The following C10orf71 variants were observed in gnomAD, a reference collection of about 807,000 sequenced individuals.
The protein encoded by C10orf71 is chromosome 10 open reading frame 71, also known as cardiac-enriched FHL2-interacting protein.
For missense variants in C10orf71, 1,869 were observed against 1,804.5 expected (o/e 1.04, Z -0.65); for synonymous variants, 758 against 726.3 (o/e 1.04, Z -0.70).
chr10:49,306,734 C>G (rs555466729), intron 1 of C10orf71, among the ~76,000 whole-genome samples: 2 of 152,318 alleles, frequency 1.3e-5, no homozygotes, highest in Non-Finnish European at 2.9e-5. Context: ...GAGAAAGGCT[C>G]TCACATGCCA....
chr10:49,301,921 A>C (rs1317086881), intron 1 of C10orf71, among the ~76,000 whole-genome samples: 1 of 152,086 alleles, frequency 6.6e-6, no homozygotes, highest in Non-Finnish European at 1.5e-5. Context: ...GGCCAATCCC[A>C]GGGGCTCCTT....
At chr10:49,307,428 A>C (rs115717282) in intron 1 of C10orf71, among the ~76,000 whole-genome samples, 1,956 of 152,332 alleles carry the variant, frequency 0.013, 45 homozygotes, top group African/African-American at 0.045. Flanking sequence ...AGTCCAGCCC[A>C]TCTGGCCACC....
At chr10:49,310,235 T>A (rs1483677885) in intron 1 of C10orf71, among the ~76,000 whole-genome samples, 1 of 152,226 alleles carries the variant, frequency 6.6e-6, no homozygotes, top group East Asian at 1.9e-4. Context: ...AAAGTTTCAC[T>A]TCTGTGGATG....
rs758338800 is a variant in C10orf71, at chr10:49,324,319, A to G, written c.1774A>G (p.Ser592Gly). Residue 592 changes from serine to glycine, a missense_variant, in exon 3 of 3, where the codon AGC (serine) becomes GGC (glycine). Ser to Gly is a moderately conservative substitution (Grantham distance 56). Transcript: ENST00000374144. ...EPSADSYLTL[S>G]TAPTIAKAPF... is the part of the protein sequence containing the mutation. Reference sequence around the variant, plus strand: ...CTCTGCAGACAGCTATCTAACTCTTAGCACAGCTCCGACTATCGCCAAAGC... The same window carrying G: ...CTCTGCAGACAGCTATCTAACTCTTGGCACAGCTCCGACTATCGCCAAAGC... 2 of 1,613,890 alleles carry G rather than the reference A, an allele frequency of 1.2e-6. No individual in the cohort carries two copies. Among genetic ancestry groups the G allele is most frequent in the Admixed American group, 1.7e-5 (1 of 60,010 alleles).
rs1476116937 is a variant in C10orf71, at chr10:49,325,708, A to T, written c.3163A>T (p.Asn1055Tyr). The change falls in exon 3 of 3, where the codon AAT becomes TAT. Residue 1055 changes from asparagine to tyrosine, a missense_variant. Transcript: ENST00000374144. The stretch of plus-strand genomic sequence containing the variant: ...AAGACTGGTCCCCAGTGAGAGGGCG[A>T]ATTCCCCCAACCCCGGCTCCCCCGG... ...GRRLVPSERA[N>Y]SPNPGSPGES... is the part of the protein sequence containing the mutation. 6.4e-7 allele frequency: 1 copy of T among 1,551,658 alleles called. No individual in the cohort carries two copies. The highest frequency in any genetic ancestry group is 2.0e-5 in the Admixed American group (1 of 50,974).
In C10orf71 at chr10:49,327,054, T is replaced by C. The variant is rs1426875464; in HGVS notation, c.*201T>C. 16 of 1,533,174 alleles carry C rather than the reference T, an allele frequency of 1.0e-5. No homozygotes were observed. Among genetic ancestry groups the C allele is most frequent in the Non-Finnish European group, 1.4e-5 (16 of 1,133,714 alleles). 95.0% of individuals were successfully genotyped at this position (1,533,174 alleles called of 1,614,324 possible). On this transcript the variant is annotated 3_prime_UTR_variant, in exon 3 of 3. Coordinates refer to ENST00000374144, the MANE Select transcript of C10orf71 (RefSeq NM_001135196.2). ...GACCTCACCCAAAGGGCTCCCTGGC[T>C]CTCCTCTGATGGAGGGGCACTGCTT...
At chr10:49,306,599 A>T (rs539198072) in intron 1 of C10orf71, among the ~76,000 whole-genome samples, 5 of 152,362 alleles carry the variant, frequency 3.3e-5, no homozygotes, top group African/African-American at 1.2e-4. Context: ...ATTCTCTAAC[A>T]GCAGTTCTCA....
At chr10:49,304,624 GC>G (rs1848782752) in intron 1 of C10orf71, among the ~76,000 whole-genome samples, 1 of 152,168 alleles carries the variant, frequency 6.6e-6, no homozygotes, top group African/African-American at 2.4e-5. Flanking sequence ...TAGAAACCCT[GC>G]CCTCCCGTAG....
chr10:49,323,582 C>T lies in C10orf71; in HGVS notation c.1037C>T (p.Ser346Phe). ...CTTGCAGCAGGGGCTCTGTCCACAT[C>T]TATACCCTGGGGGTGCAGGGATCCA... is the stretch of plus-strand genomic sequence containing the variant. ...NRLAAGALST[S>F]IPWGCRDPGA... Residue 346 changes from serine to phenylalanine, a missense_variant, in exon 3 of 3, where the codon TCT (serine) becomes TTT (phenylalanine). By Grantham distance (155) the Ser-to-Phe change is radical. Coordinates refer to ENST00000374144, the MANE Select transcript of C10orf71 (RefSeq NM_001135196.2). 1 of 1,604,796 alleles carries T rather than the reference C, an allele frequency of 6.2e-7. No homozygotes were observed. Among genetic ancestry groups the T allele is most frequent in the Non-Finnish European group, 8.5e-7 (1 of 1,176,022 alleles).
chr10:49,323,300 C>T lies in C10orf71; in HGVS notation c.755C>T (p.Ser252Phe). The change falls in exon 3 of 3, where the codon TCT (serine) becomes TTT (phenylalanine). Residue 252 changes from serine (S) to phenylalanine (F), a missense_variant. Physicochemically the swap from Ser to Phe is radical, Grantham distance 155. Transcript: ENST00000374144. ...TATLCESKFP[S>F]PHHKPVTGEP... The stretch of plus-strand genomic sequence containing the variant: ...ACCTTATGTGAGTCAAAGTTCCCCT[C>T]TCCACACCACAAGCCAGTCACGGGT... 36 of 1,613,860 alleles carry T rather than the reference C, an allele frequency of 2.2e-5. No homozygotes were observed. Among genetic ancestry groups the T allele is most frequent in the Non-Finnish European group, 3.1e-5 (36 of 1,179,822 alleles).
At chr10:49,314,850 CCCT>C (rs1848972972) in intron 1 of C10orf71, among the ~76,000 whole-genome samples, 1 of 152,076 alleles carries the variant, frequency 6.6e-6, no homozygotes, top group Non-Finnish European at 1.5e-5. Flanking sequence ...CCTCAGTTTG[CCCT>C]CCAGGAAAAA....
At chr10:49,315,703 C>T (rs117850870) in intron 1 of C10orf71, among the ~76,000 whole-genome samples, 3 of 152,146 alleles carry the variant, frequency 2.0e-5, no homozygotes, top group Non-Finnish European at 1.5e-5. Flanking sequence ...TTGTTGAGCT[C>T]AAGTATGGAT....
Position 49,326,367 on chromosome 10 carries a change from G to T in C10orf71, c.3822G>T (p.Gln1274His). The T allele has an allele frequency of 6.4e-7, 1 of 1,550,526 alleles. No individual in the cohort carries two copies. Among genetic ancestry groups the T allele is most frequent in the Non-Finnish European group, 8.7e-7 (1 of 1,146,896 alleles). ...LTPLPAYPAT[Q>H]KVLQDPQSGE... The stretch of plus-strand genomic sequence containing the variant: ...CCCTGCCCGCGTACCCCGCCACCCA[G>T]AAGGTCCTCCAGGATCCGCAGTCCG... Residue 1274 changes from glutamine to histidine, a missense_variant, in exon 3 of 3, where the codon CAG (glutamine) becomes CAT (histidine). Coordinates refer to ENST00000374144, the MANE Select transcript of C10orf71 (RefSeq NM_001135196.2).
intron 1 of C10orf71, among the ~76,000 whole-genome samples, chr10:49,302,536 G>A (rs1848746252): frequency 6.6e-6 from 1 of 152,208 alleles, no homozygotes; most frequent in African/African-American, 2.4e-5. Context: ...CATCCAGCAC[G>A]GTAGGTCTTG....
In C10orf71 at chr10:49,319,837, T is replaced by A. The variant is rs188798928; in HGVS notation, c.-144-2565T>A. ...TTGAAAATGAAATTCTGGCACATGC[T>A]ACAACACAGATAAACCTCAAGGACA... On this transcript the variant is annotated intron_variant, in intron 2 of 2. Coordinates refer to ENST00000374144, the MANE Select transcript of C10orf71 (RefSeq NM_001135196.2). Among the ~76,000 whole-genome samples, 9 of 151,930 alleles carry A rather than the reference T, an allele frequency of 5.9e-5. No homozygotes were observed. In the East Asian group the frequency reaches 1.7e-3, roughly 29 times the overall value.
intron 1 of C10orf71, among the ~76,000 whole-genome samples, chr10:49,309,365 ACT>A (rs148169312): frequency 8.7e-5 from 13 of 149,526 alleles, no homozygotes; most frequent in Non-Finnish European, 8.9e-5. Flanking sequence ...GTGCACACTC[ACT>A]CTCTCTCTCT....
In C10orf71 at chr10:49,325,267, C is replaced by A. The variant is rs1190261290; in HGVS notation, c.2722C>A (p.Pro908Thr). 6.4e-7 allele frequency: 1 copy of A among 1,551,726 alleles called. No homozygotes were observed. The highest frequency in any genetic ancestry group is 8.7e-7 in the Non-Finnish European group (1 of 1,146,998). Residue 908 changes from proline to threonine, a missense_variant, in exon 3 of 3, where the codon CCC becomes ACC. Pro to Thr is a conservative substitution (Grantham distance 38). Transcript: ENST00000374144. Reference sequence around the variant, plus strand: ...GGGTGAGGATCCTGGGTTTTGTGCCCCCGAAAACCAGGACATTCTTGGTAC... The same window carrying A: ...GGGTGAGGATCCTGGGTTTTGTGCCACCGAAAACCAGGACATTCTTGGTAC... ...EWGEDPGFCAPENQDILGTST... is the reference protein window; with the variant it reads ...EWGEDPGFCATENQDILGTST...
At position 49,326,462 on chromosome 10, in the gene C10orf71, A is replaced by G. The variant is rs138233276; in HGVS notation, c.3917A>G (p.Lys1306Arg). The change falls in exon 3 of 3, where the codon AAG becomes AGG. Residue 1306 changes from lysine (K) to arginine (R), a missense_variant. By Grantham distance (26) the Lys-to-Arg change is conservative. Transcript: ENST00000374144. ...ACCTTCTATGACCCAGAGACGGGCA[A>G]GTATGTCAAGGTCTCCATCCCGTCC... is the stretch of plus-strand genomic sequence containing the variant. ...IKTFYDPETG[K>R]YVKVSIPSSE... The G allele has an allele frequency of 5.2e-6, 8 of 1,550,136 alleles. No individual in the cohort carries two copies. Among genetic ancestry groups the G allele is most frequent in the Non-Finnish European group, 7.0e-6 (8 of 1,146,794 alleles).
Position 49,324,023 on chromosome 10 carries a change from A to G in C10orf71, c.1478A>G (p.Lys493Arg), listed in dbSNP as rs1462176130. Residue 493 changes from lysine to arginine, a missense_variant, in exon 3 of 3, where the codon AAG (lysine) becomes AGG (arginine). Coordinates refer to ENST00000374144, the MANE Select transcript of C10orf71 (RefSeq NM_001135196.2). Reference sequence around the variant, plus strand: ...GAATGTCAGTCTCGAGACAGCTACAAGTCCAAAGCCCCTAGCCTGCTGTTC... The same window carrying G: ...GAATGTCAGTCTCGAGACAGCTACAGGTCCAAAGCCCCTAGCCTGCTGTTC... ...PSECQSRDSY[K>R]SKAPSLLFNL... The G allele has an allele frequency of 3.7e-6, 6 of 1,613,540 alleles. No homozygotes were observed. In the African/African-American group the frequency reaches 8.0e-5, roughly 22 times the overall value.
Sources: gnomAD v4.1 joint callset for allele counts (sites outside exome capture counted in the v4.1 genomes callset) on GRCh38, gnomAD v4.1.1 for gene constraint, MANE v1.5 for transcripts, NCBI Gene and HGNC (gene_info 2026-07-23, HGNC 2026-07-21) for gene names.